The following SYNE2 variants were observed in gnomAD, a reference collection of about 807,000 sequenced individuals.
The protein encoded by SYNE2 is nesprin-2.
Under a neutral mutation model 856.3 loss-of-function variants are expected in SYNE2, and 431 were observed. The observed-to-expected ratio is 0.50, with a 90% CI of 0.47 to 0.55. The LOEUF is 0.55. SYNE2 is among the 20% of genes least tolerant of loss of function. The probability of loss-of-function intolerance (pLI) is 0.00; values close to 1 mark genes in which losing one functional copy is unlikely to be tolerated. For missense variants in SYNE2, 8,129 were observed against 8,023.2 expected (o/e 1.01, Z -0.50); for synonymous variants, 2,923 against 2,872.3 (o/e 1.02, Z -0.56).
chr14:63,918,366 T>A (rs770996429), intron 2 of SYNE2, among the ~76,000 whole-genome samples: 3 of 152,212 alleles, frequency 2.0e-5, no homozygotes, highest in Non-Finnish European at 4.4e-5. Context: ...GTAACTCCCA[T>A]TTTTCTAAAT....
chr14:64,102,125 C>T (rs2097735366), intron 64 of SYNE2, 83 bp downstream of exon 64: 1 of 968,498 alleles, frequency 1.0e-6, no homozygotes, highest in East Asian at 2.6e-5. Context: ...GACTTTCTTT[C>T]CCTACACCCC....
intron 109 of SYNE2, 85 bp downstream of exon 109, chr14:64,218,597 C>A: frequency 7.6e-7 from 1 of 1,317,006 alleles, no homozygotes; most frequent in Non-Finnish European, 1.1e-6. Context: ...TAGATATTAA[C>A]CAACTATACG....
Position 64,177,598 on chromosome 14 carries a change from A to G in SYNE2, c.17556+115A>G, listed in dbSNP as rs1350386704. On this transcript the variant is annotated intron_variant, in intron 96 of 115. Coordinates refer to ENST00000555002, the MANE Select transcript of SYNE2 (RefSeq NM_182914.3). ...CTGAGTTTTCATTTTCAATCAGAAA[A>G]TATTTTCCCGATCTGTCTAACATAA... 4 of 1,370,222 alleles carry G rather than the reference A, an allele frequency of 2.9e-6. No individual in the cohort carries two copies. The Admixed American group carries it at 6.8e-5, about 23-fold the overall frequency. 84.9% of individuals were successfully genotyped at this position (1,370,222 alleles called of 1,614,324 possible). A position where few individuals can be genotyped will look rare whatever the true frequency, so the allele number is the denominator to read the frequency against.
chr14:64,065,918 T>C (rs1023751125), intron 51 of SYNE2, among the ~76,000 whole-genome samples: 1 of 152,310 alleles, frequency 6.6e-6, no homozygotes, highest in South Asian at 2.1e-4. Flanking sequence ...AGTTTTACAA[T>C]CTTTATTGTG....
At chr14:63,891,768 CTG>C (rs1177455739) in intron 1 of SYNE2, among the ~76,000 whole-genome samples, 1 of 152,022 alleles carries the variant, frequency 6.6e-6, no homozygotes, top group Non-Finnish European at 1.5e-5. Context: ...CTAATTTCCT[CTG>C]TAAGGGAACA....
intron 111 of SYNE2, 153 bp from the exon 112 acceptor site, chr14:64,221,423 C>T (rs1409457182): frequency 7.2e-7 from 1 of 1,389,176 alleles, no homozygotes; most frequent in East Asian, 2.3e-5. Context: ...TTTTGGGGCC[C>T]TGGCATTTAG....
At chr14:64,013,685 AGACCTG>A (rs1190649272) in intron 32 of SYNE2, among the ~76,000 whole-genome samples, 1 of 152,232 alleles carries the variant, frequency 6.6e-6, no homozygotes, top group Non-Finnish European at 1.5e-5. Flanking sequence ...AGGAGAACGA[AGACCTG>A]GGTTTTGATC....
At chr14:63,977,516 A>AT (rs2096553677) in intron 12 of SYNE2, among the ~76,000 whole-genome samples, 1 of 152,180 alleles carries the variant, frequency 6.6e-6, no homozygotes, top group Non-Finnish European at 1.5e-5. Flanking sequence ...CCAGCCAAAA[A>AT]TATTTATTCA....
intron 27 of SYNE2, among the ~76,000 whole-genome samples, chr14:63,999,992 A>G (rs896274836): frequency 1.3e-5 from 2 of 152,228 alleles, no homozygotes; most frequent in African/African-American, 4.8e-5. Context: ...TAGAAAAACT[A>G]TACTAATCTT....
intron 9 of SYNE2, among the ~76,000 whole-genome samples, chr14:63,961,837 A>G (rs1595895380): frequency 6.6e-6 from 1 of 151,628 alleles, no homozygotes; most frequent in African/African-American, 2.4e-5. Flanking sequence ...TCCCCATCCC[A>G]GGCAACCAGC....
At chr14:64,120,657 G>A (rs973708213) in intron 67 of SYNE2, among the ~76,000 whole-genome samples, 2 of 152,184 alleles carry the variant, frequency 1.3e-5, no homozygotes, top group African/African-American at 2.4e-5. Flanking sequence ...CAGCTACTTG[G>A]GGGGCTGAGG....
rs2097436252 is a variant in SYNE2, at chr14:64,074,064, C to T, written c.10794C>T (p.Phe3598=). 2 of 1,614,060 alleles carry T rather than the reference C, an allele frequency of 1.2e-6. No individual in the cohort carries two copies. Among genetic ancestry groups the T allele is most frequent in the Admixed American group, 3.3e-5 (2 of 60,004 alleles). ...AAGAGATAATTGCTTTGAAGAATTT[C>T]TTTCAACAGACCACAACTTCATTCC... ...FTKEIIALKN[F]FQQTTTSFQN... The change falls in exon 53 of 116, where the codon TTC becomes TTT. Residue 3598 remains phenylalanine (F), a synonymous_variant. Transcript: ENST00000555002.
intron 52 of SYNE2, among the ~76,000 whole-genome samples, chr14:64,072,433 A>G (rs1362738225): frequency 6.6e-6 from 1 of 152,138 alleles, no homozygotes; most frequent in African/African-American, 2.4e-5. Flanking sequence ...CTGGGGGCTC[A>G]ATCCATCCCA....
At chr14:63,984,950 G>T (rs1405651154) in intron 18 of SYNE2, among the ~76,000 whole-genome samples, 2 of 152,172 alleles carry the variant, frequency 1.3e-5, no homozygotes, top group Non-Finnish European at 2.9e-5. Context: ...TTGAGCTCAA[G>T]TTCGAGACCA....
chr14:64,011,303 A>C (rs959828918), intron 32 of SYNE2, among the ~76,000 whole-genome samples: 6 of 152,196 alleles, frequency 3.9e-5, no homozygotes, highest in African/African-American at 1.4e-4. Context: ...GACCATGAGC[A>C]GATAGTCACA....
At chr14:63,853,416 C>T (rs1890878353) in intron 1 of SYNE2, among the ~76,000 whole-genome samples, 1 of 151,370 alleles carries the variant, frequency 6.6e-6, no homozygotes. Context: ...GCGTTTGTCT[C>T]TCTGGGTTCT....
intron 45 of SYNE2, among the ~76,000 whole-genome samples, chr14:64,033,955 C>A (rs2153550225): frequency 6.6e-6 from 1 of 152,042 alleles, no homozygotes; most frequent in East Asian, 1.9e-4. Context: ...ATCTGTATGG[C>A]TTATTTTCTC....
At chr14:64,125,035 A>G (rs184797308) in intron 70 of SYNE2, 44 bp from the exon 71 acceptor site, 1 of 1,611,620 alleles carries the variant, frequency 6.2e-7, no homozygotes, top group Non-Finnish European at 8.5e-7. Flanking sequence ...TAACATCAGC[A>G]GGGTCTAAAA....
In SYNE2 at chr14:64,170,843, G is replaced by A. The variant is rs550165182; in HGVS notation, c.17235+381G>A. On this transcript the variant is annotated intron_variant, in intron 94 of 115. Transcript: ENST00000555002. ...AGTGATGGCATTGTTTACTCTTGAA[G>A]GGCAAATTCAATGGGTACAAAAAAA... Among the ~76,000 whole-genome samples the A allele has an allele frequency of 3.3e-5, 5 of 152,178 alleles. No homozygotes were observed. In the East Asian group the frequency reaches 7.7e-4, roughly 23 times the overall value.
Sources: gnomAD v4.1 joint callset for allele counts (sites outside exome capture counted in the v4.1 genomes callset) on GRCh38, gnomAD v4.1.1 for gene constraint, MANE v1.5 for transcripts, NCBI Gene and HGNC (gene_info 2026-07-23, HGNC 2026-07-21) for gene names.